APLF: variants seen among roughly 807,000 people sequenced by gnomAD.
APLF encodes aprataxin and PNK-like factor.
Under a neutral mutation model 55.6 loss-of-function variants are expected in APLF, and 61 were observed. The observed-to-expected ratio is 1.10, with a 90% CI of 0.89 to 1.36. APLF has a LOEUF of 1.36. Among genes scored for constraint, APLF ranks in the 40% most tolerant of loss-of-function variants. The probability of loss-of-function intolerance (pLI) is 0.00; values close to 1 mark genes in which losing one functional copy is unlikely to be tolerated. For missense variants in APLF, 611 were observed against 602.5 expected, an observed-to-expected ratio of 1.01 and a Z score of -0.15; for synonymous variants, 207 against 214.8, an observed-to-expected ratio of 0.96 and a Z score of 0.32.
intron 5 of APLF, among the ~76,000 whole-genome samples, chr2:68,515,448 G>T (rs1339788973): frequency 6.6e-6 from 1 of 151,708 alleles, no homozygotes; most frequent in Non-Finnish European, 1.5e-5. Context: ...CCAAAAATTG[G>T]ACCAATGTGA....
chr2:68,545,086 A>G (rs1395417266), intron 7 of APLF, 101 bp from the exon 8 acceptor site: 1 of 1,381,828 alleles, frequency 7.2e-7, no homozygotes, highest in Non-Finnish European at 9.9e-7. Flanking sequence ...GTTTATGTTC[A>G]AGGATAGCCA....
chr2:68,490,364 G>A (rs1203367719), intron 2 of APLF, 103 bp downstream of exon 2: 6 of 840,392 alleles, frequency 7.1e-6, no homozygotes. Flanking sequence ...GGGAATTAAT[G>A]TCAGAATATA....
At chr2:68,519,003 T>TTAATATATAATAATATATAATATATG (rs1558540152) in intron 5 of APLF, among the ~76,000 whole-genome samples, 8 of 114,504 alleles carry the variant, frequency 7.0e-5, no homozygotes, top group African/African-American at 3.0e-4. Flanking sequence ...GATAATATAT[T>TTAATATATAATAATATATAATATATG]ATTAATATAT....
Position 68,526,156 on chromosome 2 carries a change from G to A in APLF, c.718G>A (p.Gly240Arg), listed in dbSNP as rs774409958. 1.2e-6 allele frequency: 2 copies of A among 1,613,808 alleles called. No individual in the cohort carries two copies. The highest frequency in any genetic ancestry group is 2.7e-5 in the African/African-American group (2 of 74,884). Residue 240 changes from glycine to arginine, a missense_variant, in exon 6 of 10, where the codon GGA becomes AGA. Gly to Arg is a moderately radical substitution (Grantham distance 125, BLOSUM62 -2). Transcript: ENST00000303795. Reference sequence around the variant, plus strand: ...AGGAAGAAGGCAATTAATTTCATCAGGAAGTTCAGAAAATACATCAGCAGA... The same window carrying A: ...AGGAAGAAGGCAATTAATTTCATCAAGAAGTTCAGAAAATACATCAGCAGA... ...QQGRRQLISS[G>R]SSENTSAEQD...
intron 9 of APLF, chr2:68,568,399 A>G (rs1181356696): frequency 1.3e-5 from 11 of 815,152 alleles, no homozygotes; most frequent in African/African-American, 1.9e-5. Context: ...TCCATTTGAC[A>G]TTTCTTATTG....
At chr2:68,475,881 T>TTATATA (rs141693033) in intron 1 of APLF, among the ~76,000 whole-genome samples, 9,992 of 148,664 alleles carry the variant, frequency 0.067, 968 homozygotes, top group African/African-American at 0.21. Context: ...TTTAAGTCTT[T>TTATATA]TATATATATA....
chr2:68,478,721 G>GA (rs541977571), intron 1 of APLF, among the ~76,000 whole-genome samples: 57 of 148,680 alleles, frequency 3.8e-4, no homozygotes, highest in East Asian at 1.4e-3. Context: ...CCCTACTCTG[G>GA]AAAAAAAAAA....
At chr2:68,532,649 G>C (rs962827742) in intron 6 of APLF, among the ~76,000 whole-genome samples, 1 of 152,140 alleles carries the variant, frequency 6.6e-6, no homozygotes, top group African/African-American at 2.4e-5. Flanking sequence ...CTCTTCATAA[G>C]ACAGTTGTCA....
intron 3 of APLF, among the ~76,000 whole-genome samples, chr2:68,507,986 CATG>C (rs533498205): frequency 1.1e-4 from 16 of 151,314 alleles, no homozygotes; most frequent in Non-Finnish European, 2.4e-4. Context: ...ATGAAAATGT[CATG>C]ATAGTATGAT....
chr2:68,494,277 CAAAAAAAAAA>C (rs59466460), intron 2 of APLF, among the ~76,000 whole-genome samples: 4 of 49,546 alleles, frequency 8.1e-5, no homozygotes, highest in South Asian at 1.1e-3. Flanking sequence ...GACCCCGTCT[CAAAAAAAAAA>C]AAAAAAAAAA....
At chr2:68,577,436 C>A (rs115334215) in intron 9 of APLF, among the ~76,000 whole-genome samples, 1,704 of 152,200 alleles carry the variant, frequency 0.011, 36 homozygotes, top group African/African-American at 0.039. Context: ...AAGTGACACA[C>A]ACTATTTCCA....
chr2:68,518,993 G>GATAATATATTATTAATGTATAATAATAT (rs1669791798), intron 5 of APLF, among the ~76,000 whole-genome samples: 1 of 107,498 alleles, frequency 9.3e-6, no homozygotes, highest in Non-Finnish European at 1.7e-5. Context: ...TACAATATCT[G>GATAATATATTATTAATGTATAATAATAT]ATAATATATT....
At chr2:68,547,595 GA>G (rs1296717799) in intron 8 of APLF, among the ~76,000 whole-genome samples, 4 of 151,604 alleles carry the variant, frequency 2.6e-5, no homozygotes, top group African/African-American at 9.7e-5. Context: ...CAGGTATTGA[GA>G]AAAATGAATT....
chr2:68,558,639 G>A (rs1234789727), intron 8 of APLF, among the ~76,000 whole-genome samples: 1 of 151,930 alleles, frequency 6.6e-6, no homozygotes, highest in Non-Finnish European at 1.5e-5. Context: ...TTTCTCTTCA[G>A]CTTTTATTTT....
At chr2:68,503,435 G>T (rs1355919980) in intron 3 of APLF, among the ~76,000 whole-genome samples, 2 of 151,972 alleles carry the variant, frequency 1.3e-5, no homozygotes, top group African/African-American at 4.8e-5. Flanking sequence ...AGATTATTTG[G>T]CTTCATTTCA....
Position 68,545,244 on chromosome 2 carries a change from T to G in APLF, c.1218T>G (p.Gly406=), listed in dbSNP as rs200303942. The G allele has an allele frequency of 1.2e-4, 188 of 1,613,804 alleles. 1 individual carries two copies. The highest frequency in any genetic ancestry group is 1.2e-5 in the Non-Finnish European group (14 of 1,179,830). The change falls in exon 8 of 10, where the codon GGT becomes GGG. Residue 406 remains glycine, a synonymous_variant. Coordinates refer to ENST00000303795, the MANE Select transcript of APLF (RefSeq NM_173545.3). Reference sequence around the variant, plus strand: ...ATCCTGGTGATAGTGATTATGGAGGTGTACAAATCGTGGGCCAAGATGAGA... The same window carrying G: ...ATCCTGGTGATAGTGATTATGGAGGGGTACAAATCGTGGGCCAAGATGAGA... ...FSHPGDSDYG[G]VQIVGQDETD...
intron 6 of APLF, chr2:68,535,294 C>A: frequency 2.3e-6 from 1 of 437,032 alleles, no homozygotes; most frequent in East Asian, 7.9e-5. Flanking sequence ...TGCTTATTGT[C>A]AAAAATGGAA....
At position 68,513,214 on chromosome 2, in the gene APLF, C is replaced by T. The variant is rs978101840; in HGVS notation, c.476C>T (p.Pro159Leu). ...GAAATAGCCAAGACCCAGATGACTCCCACAAATAGTGTGGTGAGAAATTTG... is the reference window on the plus strand; with the variant it reads ...GAAATAGCCAAGACCCAGATGACTCTCACAAATAGTGTGGTGAGAAATTTG... ...STEIAKTQMTPTNSVSFLGEN... is the reference protein window; with the variant it reads ...STEIAKTQMTLTNSVSFLGEN... Residue 159 changes from proline (P) to leucine (L), a missense_variant, in exon 4 of 10, where the codon CCC becomes CTC. Transcript: ENST00000303795. 3 of 1,604,198 alleles carry T rather than the reference C, an allele frequency of 1.9e-6. No homozygotes were observed. Among genetic ancestry groups the T allele is most frequent in the African/African-American group, 2.7e-5 (2 of 74,222 alleles).
intron 1 of APLF, among the ~76,000 whole-genome samples, chr2:68,489,452 C>T (rs918970322): frequency 4.1e-4 from 62 of 152,272 alleles, no homozygotes; most frequent in African/African-American, 1.4e-3. Context: ...ATTGTATTTA[C>T]AGTGAAAAGG....
Sources: allele counts gnomAD v4.1 joint callset (sites outside exome capture counted in the v4.1 genomes callset), GRCh38; gene constraint gnomAD v4.1.1; transcripts MANE v1.5; gene names NCBI Gene and HGNC (gene_info 2026-07-23, HGNC 2026-07-21).